Variants in PFDN4 observed in about 807,000 individuals in gnomAD.
The protein encoded by PFDN4 is prefoldin 4.
A neutral mutation model predicts 17.6 loss-of-function variants in PFDN4; 6 were observed. The ratio of observed to expected loss-of-function variants is 0.34; its 90% CI spans 0.19 to 0.67. The LOEUF is 0.67. Ranked by LOEUF, PFDN4 falls within the 30% of genes least tolerant of loss-of-function variation. The pLI, the probability that PFDN4 is intolerant of heterozygous loss-of-function variation, is 0.68. For missense variants in PFDN4, 119 were observed against 158.4 expected (o/e 0.75, Z 1.33); for synonymous variants, 48 against 51.1 (o/e 0.94, Z 0.26).
rs1379688569 is a variant in PFDN4, at chr20:54,214,360, G to T, written c.34G>T (p.Asp12Tyr). ...TAAACACTTCTTTCAGGCTGCAGAA[G>T]ATGTCAATGTTACTTTCGAAGATCA... ...AATMKKAAAE[D>Y]VNVTFEDQQK... The change falls in exon 2 of 4, where the codon GAT (aspartate) becomes TAT (tyrosine). Residue 12 changes from aspartate to tyrosine, a missense_variant. This residue lies in a region of PFDN4 where 29 missense variants were observed against 18.9 expected (regional missense o/e 1.54). Coordinates refer to ENST00000371419, the MANE Select transcript of PFDN4 (RefSeq NM_002623.4). The T allele has an allele frequency of 3.2e-6, 5 of 1,570,194 alleles. No individual in the cohort carries two copies. Among genetic ancestry groups the T allele is most frequent in the Non-Finnish European group, 4.4e-6 (5 of 1,148,560 alleles).
Position 54,214,298 on chromosome 20 carries a change from T to C in PFDN4, c.25-53T>C, listed in dbSNP as rs182596358. Reference sequence around the variant, plus strand: ...GTTATTGTTGAGAAATATAAAAAGCTAACTGATAACTTCTCCGTTAAAATT... The same window carrying C: ...GTTATTGTTGAGAAATATAAAAAGCCAACTGATAACTTCTCCGTTAAAATT... On this transcript the variant is annotated intron_variant, in intron 1 of 3. Transcript: ENST00000371419. 35 of 898,778 alleles carry C rather than the reference T, an allele frequency of 3.9e-5. No individual in the cohort carries two copies. The Admixed American group carries it at 7.8e-4, about 20-fold the overall frequency. 55.7% of individuals were successfully genotyped at this position (898,778 alleles called of 1,614,324 possible). A position where few individuals can be genotyped will look rare whatever the true frequency, so the allele number is the denominator to read the frequency against.
intron 3 of PFDN4, among the ~76,000 whole-genome samples, chr20:54,216,339 G>C (rs923135477): frequency 2.6e-5 from 4 of 152,162 alleles, no homozygotes; most frequent in African/African-American, 9.7e-5. Flanking sequence ...TAATTAACCT[G>C]ATTGCTTAAA....
intron 1 of PFDN4, chr20:54,208,520 A>G (rs557449145): frequency 5.1e-6 from 1 of 197,706 alleles, no homozygotes; most frequent in South Asian, 1.6e-4. Flanking sequence ...CATTAGCCTC[A>G]CTGGTTATGG....
intron 3 of PFDN4, 51 bp downstream of exon 3, chr20:54,215,491 A>C: frequency 1.7e-6 from 2 of 1,192,260 alleles, no homozygotes; most frequent in South Asian, 1.6e-5. Flanking sequence ...TATAAAGAAC[A>C]TGTAATTATA....
chr20:54,218,916 T>G lies in PFDN4; in HGVS notation c.274-103T>G, dbSNP rs1366170236. 6 of 710,412 alleles carry G rather than the reference T, an allele frequency of 8.4e-6. No homozygotes were observed. The South Asian group carries it at 1.0e-4, about 12-fold the overall frequency. The allele number at this position is 710,412 out of a possible 1,614,324, so 44.0% of individuals were successfully genotyped here. A position where few individuals can be genotyped will look rare whatever the true frequency, so the allele number is the denominator to read the frequency against. Reference sequence around the variant, plus strand: ...TGTTACTTAGCTGCCTGTCCAAGTTTAGAAGGTTCTTGACCTAAAATTCTT... The same window carrying G: ...TGTTACTTAGCTGCCTGTCCAAGTTGAGAAGGTTCTTGACCTAAAATTCTT... On this transcript the variant is annotated intron_variant, in intron 3 of 3. Transcript: ENST00000371419.
rs1048466511 is a variant in PFDN4 at position 54,219,939 on chromosome 20, A to G, written c.*789A>G. 2 of 386,386 alleles carry G rather than the reference A, an allele frequency of 5.2e-6. No individual in the cohort carries two copies. Among genetic ancestry groups the G allele is most frequent in the East Asian group, 3.7e-5 (1 of 27,208 alleles). 23.9% of individuals were successfully genotyped at this position (386,386 alleles called of 1,614,324 possible). On this transcript the variant is annotated 3_prime_UTR_variant, in exon 4 of 4. Transcript: ENST00000371419. ...GTAAGGCTTATTTCTTAAATAAAGG[A>G]TGCATTTCTTCCCACTCCCCCACAA...
intron 3 of PFDN4, 58 bp from the exon 4 acceptor site, chr20:54,218,961 A>G: frequency 8.9e-7 from 1 of 1,119,246 alleles, no homozygotes; most frequent in Non-Finnish European, 1.3e-6. Context: ...TATTTCAGAC[A>G]CAGATGCTCA....
intron 3 of PFDN4, among the ~76,000 whole-genome samples, chr20:54,217,930 G>A (rs1419777255): frequency 2.0e-5 from 3 of 152,122 alleles, no homozygotes; most frequent in African/African-American, 7.2e-5. Context: ...GATCTTTCAG[G>A]TGGGCTGAGG....
At chr20:54,212,860 A>G (rs1446571484) in intron 1 of PFDN4, among the ~76,000 whole-genome samples, 2 of 152,264 alleles carry the variant, frequency 1.3e-5, no homozygotes, top group African/African-American at 4.8e-5. Flanking sequence ...AGTGTTCCCC[A>G]ACTTCCATAT....
At chr20:54,212,550 T>C (rs1420897791) in intron 1 of PFDN4, among the ~76,000 whole-genome samples, 2 of 152,198 alleles carry the variant, frequency 1.3e-5, no homozygotes, top group Non-Finnish European at 2.9e-5. Context: ...TGTGTTTGAG[T>C]CTGATCAAGC....
intron 1 of PFDN4, among the ~76,000 whole-genome samples, chr20:54,213,532 C>T (rs1276182809): frequency 1.3e-5 from 2 of 152,150 alleles, no homozygotes; most frequent in Non-Finnish European, 2.9e-5. Flanking sequence ...CACCTACTGG[C>T]TCTGTGGCTT....
chr20:54,217,790 T>G (rs185162907), intron 3 of PFDN4, among the ~76,000 whole-genome samples: 19 of 152,348 alleles, frequency 1.2e-4, no homozygotes, highest in Non-Finnish European at 2.1e-4. Context: ...AATTTATCCC[T>G]TTCTAGTAGC....
At chr20:54,217,469 G>T (rs146175549) in intron 3 of PFDN4, among the ~76,000 whole-genome samples, 1 of 152,128 alleles carries the variant, frequency 6.6e-6, no homozygotes, top group Non-Finnish European at 1.5e-5. Flanking sequence ...TCTTAGCAGG[G>T]GTCAGCAAAC....
At chr20:54,212,816 CA>C (rs1317285543) in intron 1 of PFDN4, among the ~76,000 whole-genome samples, 7 of 152,236 alleles carry the variant, frequency 4.6e-5, no homozygotes, top group Non-Finnish European at 8.8e-5. Context: ...ACTTGTGTGC[CA>C]AGATATAGAC....
chr20:54,208,376 C>T (rs2092750973), intron 1 of PFDN4: 1 of 427,048 alleles, frequency 2.3e-6, no homozygotes, highest in Non-Finnish European at 4.1e-6. Flanking sequence ...CGCAGGTCCG[C>T]CTCCCGCGAT....
At position 54,215,425 on chromosome 20, in the gene PFDN4, GT is replaced by G; in HGVS notation, c.260del (p.Leu87Ter). On this transcript the variant is annotated frameshift_variant, in exon 3 of 4. Transcript: ENST00000371419. LOFTEE classifies it high-confidence loss of function. ...ATTCTCAAGAAGAAACGCAAGAAAT[GT>G]TAGAAGAAGCAAAGGTATGTTAAAG... Reference protein sequence around the residue: ...SHSQEETQEMLEEAKKNLQEE... With the variant: ...SHSQEETQEMXEEAKKNLQEE... 1 of 1,599,534 alleles carries G rather than the reference GT, an allele frequency of 6.3e-7. No homozygotes were observed. Among genetic ancestry groups the G allele is most frequent in the Non-Finnish European group, 8.5e-7 (1 of 1,171,376 alleles).
At chr20:54,211,296 C>T (rs2092755483) in intron 1 of PFDN4, among the ~76,000 whole-genome samples, 1 of 152,182 alleles carries the variant, frequency 6.6e-6, no homozygotes. Flanking sequence ...CTCCTCTAAT[C>T]CCGTAAGATA....
intron 1 of PFDN4, among the ~76,000 whole-genome samples, chr20:54,214,012 T>C (rs1258058540): frequency 6.6e-6 from 1 of 152,184 alleles, no homozygotes; most frequent in Non-Finnish European, 1.5e-5. Context: ...GTTTCCTGGG[T>C]CATCTTAATG....
intron 1 of PFDN4, among the ~76,000 whole-genome samples, chr20:54,212,162 C>T (rs1182333695): frequency 2.7e-5 from 4 of 149,972 alleles, no homozygotes; most frequent in Non-Finnish European, 3.0e-5. Context: ...TACTGCACTT[C>T]AGCCTGGGCG....
Sources: gnomAD v4.1 joint callset for allele counts (sites outside exome capture counted in the v4.1 genomes callset) on GRCh38, gnomAD v4.1.1 for gene constraint, gnomAD v4.1.1 regional missense constraint, MANE v1.5 for transcripts, NCBI Gene and HGNC (gene_info 2026-07-23, HGNC 2026-07-21) for gene names.